Variants in PARD3 observed in about 807,000 individuals in gnomAD.
PARD3 encodes the protein par-3 family cell polarity regulator.
PARD3 carries 75 observed loss-of-function variants against 155.4 expected under a neutral mutation model. The ratio of observed to expected loss-of-function variants is 0.48; its 90% CI spans 0.40 to 0.58. The LOEUF is 0.58. Among genes scored for constraint, PARD3 ranks in the 20% least tolerant of loss-of-function variants. The pLI is 0.00. For missense variants in PARD3, 1,642 were observed against 1,721.7 expected (o/e 0.95, Z 0.82); for synonymous variants, 576 against 610.5 (o/e 0.94, Z 0.83).
chr10:34,349,599 A>G lies in PARD3; in HGVS notation c.2068-1484T>C, dbSNP rs1345822650. Among the ~76,000 whole-genome samples, 2 of 148,448 alleles carry G rather than the reference A, an allele frequency of 1.3e-5. 1 individual carries two copies. Among genetic ancestry groups the G allele is most frequent in the African/African-American group, 5.0e-5 (2 of 40,180 alleles). On this transcript the variant is annotated intron_variant, in intron 14 of 24. Coordinates refer to ENST00000374788, the MANE Select transcript of PARD3 (RefSeq NM_001184785.2). ...GGAAAGTAAAAAAAAAAAAAAAAAA[A>G]AAAAAAAAAAGCTAATAAAACGAAT...
At chr10:34,541,251 T>C (rs908298456) in intron 2 of PARD3, among the ~76,000 whole-genome samples, 4 of 152,208 alleles carry the variant, frequency 2.6e-5, no homozygotes, top group Non-Finnish European at 4.4e-5. Flanking sequence ...ACACATGGTA[T>C]TTGTATAAGA....
At chr10:34,551,700 G>A (rs929013585) in intron 2 of PARD3, among the ~76,000 whole-genome samples, 5 of 152,288 alleles carry the variant, frequency 3.3e-5, no homozygotes, top group African/African-American at 7.2e-5. Flanking sequence ...CTCAGGCTGC[G>A]GTTAGGCCAG....
chr10:34,174,339 G>A (rs1949940998), intron 22 of PARD3, among the ~76,000 whole-genome samples: 4 of 152,168 alleles, frequency 2.6e-5, no homozygotes, highest in Non-Finnish European at 5.9e-5. Flanking sequence ...GAAGACACTT[G>A]CAATCTAGAT....
intron 2 of PARD3, among the ~76,000 whole-genome samples, chr10:34,555,342 T>C (rs1413298408): frequency 6.6e-6 from 1 of 152,198 alleles, no homozygotes; most frequent in African/African-American, 2.4e-5. Context: ...TGAACTACGA[T>C]CCCATTCCAT....
intron 1 of PARD3, among the ~76,000 whole-genome samples, chr10:34,711,042 G>A (rs967304516): frequency 1.3e-5 from 2 of 152,008 alleles, no homozygotes; most frequent in East Asian, 1.9e-4. Flanking sequence ...CAGGTGTCAC[G>A]GTGCACACCT....
chr10:34,498,012 C>A (rs1367916890), intron 3 of PARD3, among the ~76,000 whole-genome samples: 1 of 152,118 alleles, frequency 6.6e-6, no homozygotes, highest in Non-Finnish European at 1.5e-5. Context: ...GCTTTCCCCC[C>A]TCTCCTACCT....
At chr10:34,376,132 A>G (rs1237586289) in intron 10 of PARD3, among the ~76,000 whole-genome samples, 2 of 152,176 alleles carry the variant, frequency 1.3e-5, no homozygotes, top group Non-Finnish European at 2.9e-5. Context: ...ACACTCAGAG[A>G]AAATGCACGT....
intron 1 of PARD3, among the ~76,000 whole-genome samples, chr10:34,730,037 G>C (rs1300807518): frequency 6.6e-6 from 1 of 152,104 alleles, no homozygotes; most frequent in Non-Finnish European, 1.5e-5. Context: ...AATTCATTAA[G>C]AATTTTAGTG....
At chr10:34,463,010 G>C (rs1456166758) in intron 4 of PARD3, among the ~76,000 whole-genome samples, 1 of 83,412 alleles carries the variant, frequency 1.2e-5, no homozygotes, top group Non-Finnish European at 2.3e-5. Flanking sequence ...ATGGGGAGGG[G>C]AAGGGTAGGA....
At chr10:34,561,182 A>G (rs1342111711) in intron 2 of PARD3, among the ~76,000 whole-genome samples, 2 of 152,168 alleles carry the variant, frequency 1.3e-5, no homozygotes, top group Admixed American at 6.5e-5. Context: ...GGGAGGAGGA[A>G]TAAGAAAATC....
Position 34,113,112 on chromosome 10 carries a change from A to G in PARD3, c.3669-1550T>C, listed in dbSNP as rs531106486. Among the ~76,000 whole-genome samples the G allele has an allele frequency of 8.9e-4, 136 of 152,326 alleles. 1 individual carries two copies. Among genetic ancestry groups the G allele is most frequent in the African/African-American group, 3.1e-3 (129 of 41,584 alleles). ...AAACAAGGAACTTGTGACTGATATT[A>G]CAGCAACAAAAATGGGATTCTTTTA... On this transcript the variant is annotated intron_variant, in intron 24 of 24. Coordinates refer to ENST00000374788, the MANE Select transcript of PARD3 (RefSeq NM_001184785.2).
intron 22 of PARD3, among the ~76,000 whole-genome samples, chr10:34,234,481 G>A (rs1953109858): frequency 6.6e-6 from 1 of 152,042 alleles, no homozygotes; most frequent in African/African-American, 2.4e-5. Context: ...CTAGTTTCTG[G>A]CCCATGCTAA....
intron 21 of PARD3, among the ~76,000 whole-genome samples, chr10:34,276,916 G>A (rs926816863): frequency 3.3e-5 from 5 of 152,102 alleles, no homozygotes; most frequent in African/African-American, 1.2e-4. Flanking sequence ...AAAAAGTTAT[G>A]TCTGCAGAAG....
intron 1 of PARD3, among the ~76,000 whole-genome samples, chr10:34,767,022 G>A (rs899222631): frequency 3.9e-5 from 6 of 152,152 alleles, no homozygotes; most frequent in Admixed American, 3.3e-4. Context: ...GAGCTGCAGC[G>A]CCCAGGACTC....
At chr10:34,462,266 T>C (rs2077699523) in intron 4 of PARD3, among the ~76,000 whole-genome samples, 2 of 152,202 alleles carry the variant, frequency 1.3e-5, no homozygotes, top group Non-Finnish European at 2.9e-5. Context: ...TCTAAAGAAC[T>C]ATCTCAGCTC....
At chr10:34,143,463 G>A (rs1316032056) in intron 22 of PARD3, among the ~76,000 whole-genome samples, 3 of 152,110 alleles carry the variant, frequency 2.0e-5, no homozygotes, top group African/African-American at 7.2e-5. Flanking sequence ...ACTAATTATA[G>A]AACCATTATT....
chr10:34,807,876 ATATT>A (rs1239076379), intron 1 of PARD3, among the ~76,000 whole-genome samples: 2 of 152,252 alleles, frequency 1.3e-5, no homozygotes, highest in Non-Finnish European at 2.9e-5. Context: ...CACAAAAGTA[ATATT>A]TAAATGGCAA....
At chr10:34,612,754 T>C (rs187983603) in intron 2 of PARD3, among the ~76,000 whole-genome samples, 2 of 152,368 alleles carry the variant, frequency 1.3e-5, no homozygotes, top group East Asian at 3.9e-4. Context: ...CCACTGTTGC[T>C]AGTCATCATA....
intron 22 of PARD3, among the ~76,000 whole-genome samples, chr10:34,217,835 C>A (rs541565936): frequency 6.6e-6 from 1 of 152,024 alleles, no homozygotes; most frequent in East Asian, 1.9e-4. Flanking sequence ...CCTCCCTCTG[C>A]GACTCTAAAG....
Sources: gnomAD v4.1 joint callset for allele counts (sites outside exome capture counted in the v4.1 genomes callset) on GRCh38, gnomAD v4.1.1 for gene constraint, MANE v1.5 for transcripts, NCBI Gene and HGNC (gene_info 2026-07-23, HGNC 2026-07-21) for gene names.